XKR9: variants seen among roughly 807,000 people sequenced by gnomAD.
The protein encoded by XKR9 is XK related 9, also known as XK-related protein 9.
Under a neutral mutation model 32.0 loss-of-function variants are expected in XKR9, and 32 were observed. That is an observed-to-expected ratio of 1.00 (90% CI 0.76 to 1.34). The LOEUF is 1.34. Among genes scored for constraint, XKR9 ranks in the 40% most tolerant of loss-of-function variants. XKR9 has a pLI of 0.00. For synonymous variants in XKR9, 168 were observed against 143.4 expected (o/e 1.17, Z -1.22); for missense variants, 546 against 429.7 (o/e 1.27, Z -2.39).
the XKR9 span, among the ~76,000 whole-genome samples, chr8:70,924,962 T>C: frequency 6.6e-6 from 1 of 151,368 alleles, no homozygotes. Context: ...CATCAAAATT[T>C]AATGTTAATT....
At chr8:70,713,666 G>A (rs957087860) in intron 4 of XKR9, among the ~76,000 whole-genome samples, 4 of 132,518 alleles carry the variant, frequency 3.0e-5, no homozygotes, top group African/African-American at 7.5e-5. Flanking sequence ...AATGCTATGT[G>A]GTTAAGAAGA....
the XKR9 span, among the ~76,000 whole-genome samples, chr8:70,893,721 G>T: frequency 6.6e-6 from 1 of 152,056 alleles, no homozygotes; most frequent in Non-Finnish European, 1.5e-5. Context: ...GGTCTTTTGG[G>T]GTTCTTCTAT....
the XKR9 span, among the ~76,000 whole-genome samples, chr8:70,919,194 A>T: frequency 1.3e-5 from 2 of 152,124 alleles, no homozygotes; most frequent in Non-Finnish European, 2.9e-5. Flanking sequence ...AAGTTACTTC[A>T]CTTCTCTGAG....
chr8:70,682,401 G>A (rs1249953344), intron 3 of XKR9, among the ~76,000 whole-genome samples: 2 of 152,080 alleles, frequency 1.3e-5, no homozygotes, highest in Admixed American at 1.3e-4. Flanking sequence ...TCTAATAATG[G>A]AAAATTTGCA....
At chr8:70,765,764 T>C (rs1369146351) in intron 2 of XKR9, among the ~76,000 whole-genome samples, 1 of 152,180 alleles carries the variant, frequency 6.6e-6, no homozygotes, top group Non-Finnish European at 1.5e-5. Flanking sequence ...CTTGAATCCA[T>C]CTTGAGTTAA....
At chr8:70,778,447 T>C (rs1202311964) in intron 2 of XKR9, among the ~76,000 whole-genome samples, 2 of 152,200 alleles carry the variant, frequency 1.3e-5, no homozygotes, top group African/African-American at 2.4e-5. Flanking sequence ...TTTGGTTCCA[T>C]ATGGACTTTG....
the XKR9 span, among the ~76,000 whole-genome samples, chr8:71,043,174 C>G: frequency 3.3e-4 from 50 of 152,182 alleles, no homozygotes; most frequent in African/African-American, 1.2e-3. Context: ...TCACTGTTCC[C>G]CCAGTGCCCT....
At chr8:70,936,762 G>T in the XKR9 span, among the ~76,000 whole-genome samples, 133 of 152,108 alleles carry the variant, frequency 8.7e-4, 1 homozygote, top group African/African-American at 3.0e-3. Flanking sequence ...TCTTAGAAGT[G>T]CCTGAACTCT....
the XKR9 span, among the ~76,000 whole-genome samples, chr8:70,987,569 C>A: frequency 6.6e-6 from 1 of 152,236 alleles, no homozygotes; most frequent in Non-Finnish European, 1.5e-5. Flanking sequence ...GGCACCTCTG[C>A]CCCTGTGGCT....
the XKR9 span, among the ~76,000 whole-genome samples, chr8:70,958,756 T>C: frequency 6.6e-6 from 1 of 152,208 alleles, no homozygotes; most frequent in East Asian, 1.9e-4. Context: ...GTCTTCATCA[T>C]GGAATCTTTG....
At chr8:70,906,975 A>G in the XKR9 span, among the ~76,000 whole-genome samples, 1 of 152,180 alleles carries the variant, frequency 6.6e-6, no homozygotes, top group African/African-American at 2.4e-5. Flanking sequence ...CTACCAAGAT[A>G]TAATTCCATT....
At chr8:70,996,799 A>G in the XKR9 span, among the ~76,000 whole-genome samples, 1 of 152,008 alleles carries the variant, frequency 6.6e-6, no homozygotes. Flanking sequence ...GAATTATTTG[A>G]CTTTCCTCTC....
At chr8:70,864,054 C>T in the XKR9 span, among the ~76,000 whole-genome samples, 4 of 152,104 alleles carry the variant, frequency 2.6e-5, no homozygotes, top group African/African-American at 9.7e-5. Context: ...TACACTTTAG[C>T]TTTGTTTTTA....
the XKR9 span, among the ~76,000 whole-genome samples, chr8:70,829,126 A>C: frequency 6.6e-6 from 1 of 152,226 alleles, no homozygotes; most frequent in Non-Finnish European, 1.5e-5. Context: ...AAATAAAAAG[A>C]GTGGACTTTG....
the XKR9 span, among the ~76,000 whole-genome samples, chr8:70,818,624 C>G: frequency 6.6e-6 from 1 of 152,126 alleles, no homozygotes; most frequent in East Asian, 1.9e-4. Context: ...CAAGTCGCCA[C>G]ATGTATGCTT....
At chr8:70,687,407 C>G (rs187751932) in intron 3 of XKR9, among the ~76,000 whole-genome samples, 45 of 149,978 alleles carry the variant, frequency 3.0e-4, no homozygotes, top group African/African-American at 1.0e-3. Context: ...CTCTCTCTCT[C>G]TCTCCTTTCT....
the XKR9 span, among the ~76,000 whole-genome samples, chr8:71,004,298 A>T: frequency 1.3e-5 from 2 of 152,160 alleles, no homozygotes; most frequent in Non-Finnish European, 2.9e-5. Flanking sequence ...GTTAACAGGG[A>T]TACACAATCT....
the XKR9 span, among the ~76,000 whole-genome samples, chr8:71,018,919 A>C: frequency 6.6e-6 from 1 of 152,246 alleles, no homozygotes. Context: ...TTTGAGAATA[A>C]AAACACAACA....
intron 3 of XKR9, among the ~76,000 whole-genome samples, chr8:70,682,986 T>C (rs1431026347): frequency 9.2e-5 from 14 of 152,230 alleles, no homozygotes; most frequent in Admixed American, 9.2e-4. Context: ...CTATAATCTA[T>C]TGAACTAGGC....
Sources: gnomAD v4.1 joint callset for allele counts (sites outside exome capture counted in the v4.1 genomes callset) on GRCh38, gnomAD v4.1.1 for gene constraint, MANE v1.5 for transcripts, NCBI Gene and HGNC (gene_info 2026-07-23, HGNC 2026-07-21) for gene names.